SUPT3H: variants seen among roughly 807,000 people sequenced by gnomAD.
SUPT3H encodes transcription initiation protein SPT3 homolog.
SUPT3H carries 44 observed loss-of-function variants against 44.3 expected under a neutral mutation model. The observed-to-expected ratio is 0.99, with a 90% CI of 0.78 to 1.28. The LOEUF (loss-of-function observed/expected upper bound fraction) is 1.28. Ranked by LOEUF, SUPT3H falls within the 50% of genes most tolerant of loss-of-function variation. The pLI is 0.00. For missense variants in SUPT3H, 380 were observed against 387.1 expected (o/e 0.98, Z 0.15); for synonymous variants, 124 against 125.6 (o/e 0.99, Z 0.09).
At chr6:45,306,567 C>T (rs2149961122) in intron 2 of SUPT3H, among the ~76,000 whole-genome samples, 1 of 152,260 alleles carries the variant, frequency 6.6e-6, no homozygotes, top group East Asian at 1.9e-4. Context: ...GGGGTGACTA[C>T]TCCACCAAAT....
intron 2 of SUPT3H, among the ~76,000 whole-genome samples, chr6:45,223,030 T>C (rs149979325): frequency 6.6e-6 from 1 of 152,124 alleles, no homozygotes; most frequent in East Asian, 1.9e-4. Context: ...TGCCATGGGA[T>C]AGGGAAAGAG....
intron 6 of SUPT3H, among the ~76,000 whole-genome samples, chr6:45,002,036 T>C (rs1741993970): frequency 6.6e-6 from 1 of 152,102 alleles, no homozygotes; most frequent in African/African-American, 2.4e-5. Flanking sequence ...AGAAGATTTT[T>C]GTTATGATAC....
intron 10 of SUPT3H, among the ~76,000 whole-genome samples, chr6:44,921,681 T>C (rs1013105745): frequency 2.6e-5 from 4 of 152,196 alleles, no homozygotes; most frequent in Admixed American, 6.5e-5. Context: ...TAGTCTTGAA[T>C]ACAGGTATGG....
chr6:45,068,342 T>C (rs1374966775), intron 3 of SUPT3H, among the ~76,000 whole-genome samples: 12 of 130,808 alleles, frequency 9.2e-5, no homozygotes, highest in African/African-American at 1.7e-4. Context: ...AGGGATAGCA[T>C]TGGGAGATAT....
chr6:45,230,247 G>A (rs564381494), intron 2 of SUPT3H, among the ~76,000 whole-genome samples: 1 of 152,142 alleles, frequency 6.6e-6, no homozygotes, highest in South Asian at 2.1e-4. Context: ...AAGTCCATTT[G>A]GTCTAAAGTC....
At chr6:45,105,062 T>C (rs1234638458) in intron 3 of SUPT3H, among the ~76,000 whole-genome samples, 3 of 151,940 alleles carry the variant, frequency 2.0e-5, no homozygotes, top group African/African-American at 4.8e-5. Flanking sequence ...GATATACATA[T>C]ACTAAACCCT....
chr6:45,370,205 G>C (rs1795824085), intron 1 of SUPT3H, among the ~76,000 whole-genome samples: 1 of 152,204 alleles, frequency 6.6e-6, no homozygotes, highest in African/African-American at 2.4e-5. Context: ...GGTTGAATTA[G>C]TTTAACAAGC....
rs558662263 is a variant in SUPT3H at position 44,893,360 on chromosome 6, A to T, written c.912+39293T>A. Among the ~76,000 whole-genome samples the T allele has an allele frequency of 7.8e-4, 118 of 152,172 alleles. 1 individual carries two copies. The Middle Eastern group carries it at 0.01, about 13-fold the overall frequency. On this transcript the variant is annotated intron_variant, in intron 10 of 10. Coordinates refer to ENST00000371459, the MANE Select transcript of SUPT3H (RefSeq NM_003599.4). ...TCATCTAGCATTAGCTATATCTCCC[A>T]ATGCTATCCCTCCCCCCTGCCCCCA...
At chr6:45,262,049 A>G (rs1774451844) in intron 2 of SUPT3H, among the ~76,000 whole-genome samples, 1 of 152,184 alleles carries the variant, frequency 6.6e-6, no homozygotes, top group African/African-American at 2.4e-5. Flanking sequence ...CAAGAATTAC[A>G]AAACACTGCT....
In SUPT3H at chr6:44,994,236, G is replaced by A. The variant is rs138093407; in HGVS notation, c.504+9417C>T. Among the ~76,000 whole-genome samples the A allele has an allele frequency of 3.5e-3, 532 of 152,154 alleles. 5 individuals carry two copies. Among genetic ancestry groups the A allele is most frequent in the African/African-American group, 0.012 (517 of 41,530 alleles). On this transcript the variant is annotated intron_variant, in intron 6 of 10. Transcript: ENST00000371459. ...TCACAGCCTCAGGACCTAGAACAGTGATTGACTTAAAAAATCTCAATAAAT... is the reference window on the plus strand; with the variant it reads ...TCACAGCCTCAGGACCTAGAACAGTAATTGACTTAAAAAATCTCAATAAAT...
chr6:44,895,338 C>T (rs890805517), intron 10 of SUPT3H, among the ~76,000 whole-genome samples: 1 of 148,948 alleles, frequency 6.7e-6, no homozygotes, highest in South Asian at 2.1e-4. Context: ...AAGGGATCTT[C>T]CTGTTTCAGC....
At chr6:44,880,835 A>T (rs1162757360) in intron 10 of SUPT3H, among the ~76,000 whole-genome samples, 4 of 146,900 alleles carry the variant, frequency 2.7e-5, no homozygotes, top group Admixed American at 6.8e-5. Flanking sequence ...ACTAAGCTTC[A>T]TAAGTGAAGG....
intron 2 of SUPT3H, among the ~76,000 whole-genome samples, chr6:45,225,489 T>C (rs1584360230): frequency 6.6e-6 from 1 of 152,112 alleles, no homozygotes; most frequent in Non-Finnish European, 1.5e-5. Context: ...ATAATCAATA[T>C]TGGCCCCAGC....
chr6:44,820,133 C>G (rs1227121306), intron 11 of SUPT3H, among the ~76,000 whole-genome samples: 1 of 152,020 alleles, frequency 6.6e-6, no homozygotes, highest in Non-Finnish European at 1.5e-5. Flanking sequence ...GTGGGAGGAT[C>G]ATTTGAGCCC....
chr6:45,286,897 G>A (rs575832810), intron 2 of SUPT3H, among the ~76,000 whole-genome samples: 3 of 152,274 alleles, frequency 2.0e-5, no homozygotes, highest in African/African-American at 7.2e-5. Flanking sequence ...ACACACCATG[G>A]AATACTATGC....
chr6:44,968,776 T>A (rs1777140606), intron 6 of SUPT3H, among the ~76,000 whole-genome samples: 1 of 152,168 alleles, frequency 6.6e-6, no homozygotes, highest in South Asian at 2.1e-4. Flanking sequence ...CCACATCACT[T>A]TCTTTTCTCT....
intron 10 of SUPT3H, among the ~76,000 whole-genome samples, chr6:44,831,767 TG>T (rs958719783): frequency 2.0e-5 from 3 of 151,966 alleles, no homozygotes; most frequent in African/African-American, 7.2e-5. Context: ...TGAGTTCACC[TG>T]AGAAATAACC....
intron 10 of SUPT3H, among the ~76,000 whole-genome samples, chr6:44,894,908 T>A (rs1760501641): frequency 1.3e-5 from 2 of 151,912 alleles, no homozygotes; most frequent in African/African-American, 4.8e-5. Context: ...AGCATTATTT[T>A]GTTTAAAAGA....
intron 2 of SUPT3H, among the ~76,000 whole-genome samples, chr6:45,352,538 A>T (rs1792282180): frequency 6.6e-6 from 1 of 152,176 alleles, no homozygotes; most frequent in South Asian, 2.1e-4. Context: ...TATAAAAATA[A>T]ATCTATAAAT....
Sources: allele counts gnomAD v4.1 joint callset (sites outside exome capture counted in the v4.1 genomes callset), GRCh38; gene constraint gnomAD v4.1.1; transcripts MANE v1.5; gene names NCBI Gene and HGNC (gene_info 2026-07-23, HGNC 2026-07-21).